Variants in RIMBP2 observed in about 807,000 individuals in gnomAD.
RIMBP2 encodes the protein RIMS-binding protein 2.
RIMBP2 carries 48 observed loss-of-function variants against 118.6 expected under a neutral mutation model. The observed-to-expected ratio is 0.40, with a 90% CI of 0.32 to 0.51. The LOEUF is 0.51. Ranked by LOEUF, RIMBP2 falls within the 20% of genes least tolerant of loss-of-function variation. The pLI is 0.41. For missense variants in RIMBP2, 1,551 were observed against 1,768.3 expected (o/e 0.88, Z 2.20); for synonymous variants, 762 against 742.9 (o/e 1.03, Z -0.42).
chr12:130,524,744 A>G lies in RIMBP2; in HGVS notation c.-216-6827T>C, dbSNP rs61934571. On this transcript the variant is annotated intron_variant, in intron 2 of 22. Transcript: ENST00000690449. ...ACCAATTTGCACTCATTTAGGGGAC[A>G]AGTGCCAGTGGCCAGAATTGAGATT... 5.1e-3 allele frequency among the ~76,000 whole-genome samples: 782 copies of G among 152,330 alleles called. 5 individuals carry two copies. The highest frequency in any genetic ancestry group is 0.01 in the Middle Eastern group (3 of 294).
At chr12:130,427,902 C>A (rs949622337) in intron 15 of RIMBP2, 23 of 327,686 alleles carry the variant, frequency 7.0e-5, no homozygotes, top group African/African-American at 2.8e-4. Flanking sequence ...CTATTCCCCC[C>A]ACTTCAGTTC....
Position 130,424,435 on chromosome 12 carries a change from C to T in RIMBP2, c.2836G>A (p.Gly946Ser). 3.2e-6 allele frequency: 4 copies of T among 1,232,700 alleles called. No individual in the cohort carries two copies. The highest frequency in any genetic ancestry group is 4.0e-6 in the Non-Finnish European group (4 of 988,182). 76.4% of individuals were successfully genotyped at this position (1,232,700 alleles called of 1,614,324 possible). Residue 946 changes from glycine to serine, a missense_variant, in exon 16 of 23, where the codon GGT becomes AGT. Physicochemically the swap from Gly to Ser is moderately conservative, Grantham distance 56. This residue lies in a region of RIMBP2 where 1,038 missense variants were observed against 1,125.1 expected (regional missense o/e 0.92). Transcript: ENST00000690449. The surrounding 1 kb of genome is among the most constrained non-coding windows in gnomAD (Gnocchi z 9.8). ...NTVAACSPGP[G>S]HCPCRRGPRP... ...GGGCCCCTCCTGCAGGGACAGTGAC[C>T]AGGGCCTGGGCTGCACGCGGCCACG...
At chr12:130,687,825 A>T (rs1330937323) in intron 1 of RIMBP2, among the ~76,000 whole-genome samples, 1 of 152,186 alleles carries the variant, frequency 6.6e-6, no homozygotes, top group Non-Finnish European at 1.5e-5. Flanking sequence ...TGATTTGCAA[A>T]TGTTCATTGA....
At chr12:130,471,686 C>T (rs2137898604) in intron 5 of RIMBP2, 2 of 152,562 alleles carry the variant, frequency 1.3e-5, no homozygotes, top group South Asian at 4.1e-4. Context: ...GGGAATCTGC[C>T]CTCCCTTCTG....
rs61936801 is a variant in RIMBP2, at chr12:130,646,346, A to G, written c.-351-17890T>C. Among the ~76,000 whole-genome samples, 223 of 50,274 alleles carry G rather than the reference A, an allele frequency of 4.4e-3. 70 individuals carry two copies. Among genetic ancestry groups the G allele is most frequent in the Middle Eastern group, 0.013 (1 of 80 alleles). The allele number at this position is 50,274 out of a possible 152,430, so 33.0% of individuals were successfully genotyped here. A position where few individuals can be genotyped will look rare whatever the true frequency, so the allele number is the denominator to read the frequency against. ...CTCCACCTGCCTCACCACCTCCCTC[A>G]CCACCTCCCTCACCACCTCCCTCAC... On this transcript the variant is annotated intron_variant, in intron 1 of 22. Coordinates refer to ENST00000690449, the MANE Select transcript of RIMBP2 (RefSeq NM_001393629.1).
At chr12:130,645,085 A>G (rs1411284797) in intron 1 of RIMBP2, among the ~76,000 whole-genome samples, 1 of 149,146 alleles carries the variant, frequency 6.7e-6, no homozygotes, top group Non-Finnish European at 1.5e-5. Flanking sequence ...AAAGACTACA[A>G]ATCAGAACTT....
chr12:130,654,234 T>C (rs539747595), intron 1 of RIMBP2, among the ~76,000 whole-genome samples: 1 of 152,360 alleles, frequency 6.6e-6, no homozygotes, highest in South Asian at 2.1e-4. Flanking sequence ...TTTGCTTCTG[T>C]ATCTGAGCAT....
intron 1 of RIMBP2, among the ~76,000 whole-genome samples, chr12:130,651,992 G>A (rs1461680402): frequency 6.6e-6 from 1 of 152,190 alleles, no homozygotes; most frequent in Non-Finnish European, 1.5e-5. Context: ...CTAAATCATT[G>A]TGTTCTGCTT....
At position 130,695,707 on chromosome 12, in the gene RIMBP2, T is replaced by C. The variant is rs369642498; in HGVS notation, c.-352+20515A>G. On this transcript the variant is annotated intron_variant, in intron 1 of 22. Transcript: ENST00000690449. ...CTGTTTCTGAGTGGCAACCGACCAT[T>C]GATCAATAAGACTAGAGGCCAGGGG... 6.6e-5 allele frequency among the ~76,000 whole-genome samples: 10 copies of C among 152,142 alleles called. No individual in the cohort carries two copies. In the East Asian group the frequency reaches 1.7e-3, roughly 26 times the overall value.
At chr12:130,694,171 C>G (rs2065466676) in intron 1 of RIMBP2, among the ~76,000 whole-genome samples, 1 of 152,196 alleles carries the variant, frequency 6.6e-6, no homozygotes. Flanking sequence ...AGGCCCCACC[C>G]CTGCCAAGAG....
At chr12:130,585,385 G>A (rs1458242458) in intron 2 of RIMBP2, among the ~76,000 whole-genome samples, 2 of 152,124 alleles carry the variant, frequency 1.3e-5, no homozygotes, top group Admixed American at 6.6e-5. Flanking sequence ...GAAATTCACA[G>A]CCCACACACA....
chr12:130,430,982 C>T (rs966607211), intron 14 of RIMBP2, among the ~76,000 whole-genome samples: 1 of 152,146 alleles, frequency 6.6e-6, no homozygotes, highest in Admixed American at 6.5e-5. Context: ...TCAAGACGTA[C>T]ACCCGGAACA....
chr12:130,662,398 C>A (rs1399505447), intron 1 of RIMBP2, among the ~76,000 whole-genome samples: 1 of 152,158 alleles, frequency 6.6e-6, no homozygotes, highest in African/African-American at 2.4e-5. Context: ...TGGCTCACGC[C>A]TGTAATCCTA....
intron 2 of RIMBP2, among the ~76,000 whole-genome samples, chr12:130,535,694 CA>C (rs2053945274): frequency 7.2e-6 from 1 of 139,752 alleles, no homozygotes; most frequent in Non-Finnish European, 1.5e-5. Flanking sequence ...TACACATATA[CA>C]TATATATACA....
intron 17 of RIMBP2, among the ~76,000 whole-genome samples, chr12:130,416,265 G>A (rs576013040): frequency 3.3e-5 from 5 of 152,242 alleles, no homozygotes; most frequent in African/African-American, 7.2e-5. Flanking sequence ...CCAAATAGCC[G>A]AAGTGGTCTT....
intron 4 of RIMBP2, among the ~76,000 whole-genome samples, chr12:130,505,068 T>G (rs957991463): frequency 2.0e-5 from 3 of 152,174 alleles, no homozygotes; most frequent in Non-Finnish European, 4.4e-5. Flanking sequence ...GTTGGATAAG[T>G]CACGGTGTGT....
At chr12:130,698,611 T>C (rs1161782044) in intron 1 of RIMBP2, among the ~76,000 whole-genome samples, 1 of 152,080 alleles carries the variant, frequency 6.6e-6, no homozygotes, top group East Asian at 1.9e-4. Context: ...CAAAAATTCC[T>C]AAAACCATAA....
At chr12:130,436,040 T>C (rs1161440620) in intron 13 of RIMBP2, among the ~76,000 whole-genome samples, 1 of 152,200 alleles carries the variant, frequency 6.6e-6, no homozygotes. Flanking sequence ...TGACCAGGGC[T>C]GTGCTGCCAC....
At chr12:130,713,646 C>G (rs887028802) in intron 1 of RIMBP2, among the ~76,000 whole-genome samples, 3 of 152,236 alleles carry the variant, frequency 2.0e-5, no homozygotes, top group African/African-American at 2.4e-5. Flanking sequence ...CACGCGGATT[C>G]CAAACCTTGG....
Sources: allele counts gnomAD v4.1 joint callset (sites outside exome capture counted in the v4.1 genomes callset), GRCh38; gene constraint gnomAD v4.1.1; regional missense constraint gnomAD v4.1.1; non-coding constraint Gnocchi (gnomAD v3.1); transcripts MANE v1.5; gene names NCBI Gene and HGNC (gene_info 2026-07-23, HGNC 2026-07-21).